The following FAM178B variants were observed in gnomAD, a reference collection of about 807,000 sequenced individuals.
The protein encoded by FAM178B is protein FAM178B.
FAM178B carries 82 observed loss-of-function variants against 91.7 expected under a neutral mutation model. The observed-to-expected ratio is 0.89, with a 90% CI of 0.75 to 1.07. FAM178B has a LOEUF of 1.07. Ranked by LOEUF, FAM178B falls within the 50% of genes least tolerant of loss-of-function variation. FAM178B has a pLI of 0.00. For synonymous variants in FAM178B, 368 were observed against 359.4 expected (o/e 1.02, Z -0.27); for missense variants, 769 against 846.7 (o/e 0.91, Z 1.14).
At chr2:96,960,194 T>A in intron 6 of FAM178B, 94 bp downstream of exon 6, 2 of 1,408,020 alleles carry the variant, frequency 1.4e-6, no homozygotes, top group African/African-American at 1.4e-5. Flanking sequence ...CTCTTCGAAC[T>A]TCCCCCTTTG....
intron 1 of FAM178B, chr2:96,977,722 TTCC>T: frequency 4.8e-6 from 2 of 414,942 alleles, no homozygotes; most frequent in Non-Finnish European, 9.8e-6. Flanking sequence ...GGAAGGATAT[TTCC>T]TCCTTTTTAG....
chr2:96,881,051 G>A (rs925558638), intron 14 of FAM178B, among the ~76,000 whole-genome samples: 3 of 152,052 alleles, frequency 2.0e-5, no homozygotes, highest in African/African-American at 7.2e-5. Context: ...CATTCTGGGA[G>A]GCTGTGGCTC....
chr2:96,908,226 C>T (rs2081091338), intron 12 of FAM178B, among the ~76,000 whole-genome samples: 1 of 152,172 alleles, frequency 6.6e-6, no homozygotes, highest in Non-Finnish European at 1.5e-5. Flanking sequence ...GAATAGACGG[C>T]GGGACACAGT....
At chr2:96,948,906 C>A (rs2081877206) in intron 7 of FAM178B, among the ~76,000 whole-genome samples, 1 of 152,142 alleles carries the variant, frequency 6.6e-6, no homozygotes, top group African/African-American at 2.4e-5. Flanking sequence ...CTCCTGGGGG[C>A]AAATACTCTC....
intron 1 of FAM178B, among the ~76,000 whole-genome samples, chr2:96,974,456 A>C (rs2082263958): frequency 6.6e-6 from 1 of 151,762 alleles, no homozygotes; most frequent in African/African-American, 2.4e-5. Context: ...TAAACACAAA[A>C]GGCATTAATG....
At chr2:96,909,777 T>C (rs929894491) in intron 12 of FAM178B, among the ~76,000 whole-genome samples, 1 of 152,232 alleles carries the variant, frequency 6.6e-6, no homozygotes, top group South Asian at 2.1e-4. Flanking sequence ...TGAGATCTTC[T>C]GGGATCTTCG....
At chr2:96,907,567 C>A (rs2081079664) in intron 12 of FAM178B, among the ~76,000 whole-genome samples, 1 of 152,260 alleles carries the variant, frequency 6.6e-6, no homozygotes, top group Non-Finnish European at 1.5e-5. Flanking sequence ...CCAGCTTCTG[C>A]CTCCGCCCTG....
chr2:96,907,265 C>T (rs1329367264), intron 12 of FAM178B, among the ~76,000 whole-genome samples: 1 of 152,066 alleles, frequency 6.6e-6, no homozygotes, highest in Admixed American at 6.5e-5. Flanking sequence ...GGGGGCGGGG[C>T]GAGACCATTT....
intron 12 of FAM178B, among the ~76,000 whole-genome samples, chr2:96,903,956 A>T (rs1442047240): frequency 9.9e-5 from 15 of 152,184 alleles, no homozygotes; most frequent in African/African-American, 3.4e-4. Flanking sequence ...AAAGCAGAAC[A>T]AGCAGCAGCA....
chr2:96,933,387 G>A (rs977683908), intron 8 of FAM178B, among the ~76,000 whole-genome samples: 1 of 152,188 alleles, frequency 6.6e-6, no homozygotes, highest in Admixed American at 6.5e-5. Context: ...GGTATGGGGG[G>A]AAGATAGAGG....
intron 5 of FAM178B, among the ~76,000 whole-genome samples, chr2:96,962,429 AAG>A (rs149944997): frequency 0.025 from 3,345 of 135,786 alleles, 57 homozygotes; most frequent in Non-Finnish European, 0.036. Flanking sequence ...ACTTCGTCTC[AAG>A]AAAAAAAAAA....
rs55924441 is a variant in FAM178B, at chr2:96,958,697, T to TAAAA, written c.887+1587_887+1590dup. On this transcript the variant is annotated intron_variant, in intron 6 of 16. Transcript: ENST00000490605. The stretch of plus-strand genomic sequence containing the variant: ...AGAGTGAGACTCCATCTCAAAATAC[T>TAAAA]AAAAAAAAAAAAAAAAAAAAAAAAA... 5.8e-4 allele frequency among the ~76,000 whole-genome samples: 32 copies of TAAAA among 55,536 alleles called. 4 individuals are homozygous for TAAAA. In the South Asian group the frequency reaches 0.01, roughly 18 times the overall value. The allele number at this position is 55,536 out of a possible 152,430, so 36.4% of individuals were successfully genotyped here.
intron 10 of FAM178B, among the ~76,000 whole-genome samples, chr2:96,922,973 C>T (rs2081368858): frequency 6.9e-6 from 1 of 144,584 alleles, no homozygotes; most frequent in Non-Finnish European, 1.5e-5. Flanking sequence ...TGCATCCAGC[C>T]TTTTTGTTTT....
chr2:96,964,962 T>C (rs2082125754), intron 5 of FAM178B, among the ~76,000 whole-genome samples: 2 of 152,088 alleles, frequency 1.3e-5, no homozygotes, highest in African/African-American at 4.8e-5. Flanking sequence ...TGCTGTTCTC[T>C]CTCCCCAGGT....
At chr2:96,944,966 C>T (rs2081798452) in intron 8 of FAM178B, among the ~76,000 whole-genome samples, 1 of 152,088 alleles carries the variant, frequency 6.6e-6, no homozygotes, top group African/African-American at 2.4e-5. Context: ...TACCTGACTA[C>T]AAGTAATTCC....
intron 1 of FAM178B, among the ~76,000 whole-genome samples, chr2:96,979,844 A>G (rs1430541549): frequency 1.3e-5 from 2 of 152,118 alleles, no homozygotes; most frequent in Non-Finnish European, 2.9e-5. Context: ...GTGAGTCGGG[A>G]TTGCACTGAG....
intron 12 of FAM178B, among the ~76,000 whole-genome samples, chr2:96,909,142 CAAAAAAAAAAAAA>C (rs368745154): frequency 1.3e-5 from 1 of 77,412 alleles, no homozygotes; most frequent in Non-Finnish European, 2.7e-5. Flanking sequence ...GACTCTGTCT[CAAAAAAAAAAAAA>C]AAAAAGAAAA....
chr2:96,931,465 C>T (rs186855550), intron 8 of FAM178B, among the ~76,000 whole-genome samples: 1 of 152,212 alleles, frequency 6.6e-6, no homozygotes, highest in Non-Finnish European at 1.5e-5. Context: ...GCGGACAAGA[C>T]AAGGAATATG....
chr2:96,977,689 C>G (rs1021978671), intron 1 of FAM178B: 2 of 378,078 alleles, frequency 5.3e-6, no homozygotes, highest in Admixed American at 3.2e-5. Context: ...AAAGGCTGCA[C>G]GCAATGGGGG....
Sources: allele counts gnomAD v4.1 joint callset (sites outside exome capture counted in the v4.1 genomes callset), GRCh38; gene constraint gnomAD v4.1.1; transcripts MANE v1.5; gene names NCBI Gene and HGNC (gene_info 2026-07-23, HGNC 2026-07-21).